Variants in USH2A observed in about 807,000 individuals in gnomAD.
USH2A encodes the protein usherin.
Under a neutral mutation model 538.9 loss-of-function variants are expected in USH2A, and 443 were observed. The ratio of observed to expected loss-of-function variants is 0.82; its 90% confidence interval spans 0.76 to 0.89. USH2A has a LOEUF of 0.89. Ranked by LOEUF, USH2A falls within the 40% of genes least tolerant of loss-of-function variation. The pLI is 0.00. For missense variants in USH2A, 6,633 were observed against 6,324.8 expected (o/e 1.05, Z -1.65); for synonymous variants, 2,413 against 2,273.5 (o/e 1.06, Z -1.75).
chr1:216,057,927 G>T (rs560663783), intron 30 of USH2A, among the ~76,000 whole-genome samples: 5 of 152,270 alleles, frequency 3.3e-5, no homozygotes, highest in African/African-American at 1.2e-4. Flanking sequence ...AATAAAGACA[G>T]CATTTTTCAA....
At chr1:216,031,877 A>G (rs890332923) in intron 32 of USH2A, among the ~76,000 whole-genome samples, 1 of 152,198 alleles carries the variant, frequency 6.6e-6, no homozygotes, top group African/African-American at 2.4e-5. Context: ...CTACGCAACC[A>G]TGGTCCTTAT....
chr1:216,224,225 C>T (rs137967194), intron 14 of USH2A, among the ~76,000 whole-genome samples: 2 of 152,048 alleles, frequency 1.3e-5, no homozygotes, highest in Admixed American at 6.6e-5. Flanking sequence ...GTCCTGGGGG[C>T]TATGGGGGAG....
At chr1:215,734,569 T>C (rs1558074849) in intron 60 of USH2A, among the ~76,000 whole-genome samples, 1 of 152,212 alleles carries the variant, frequency 6.6e-6, no homozygotes. Context: ...TCTGCTTCCC[T>C]TTTACATAAA....
At chr1:215,723,773 T>G (rs1659729096) in intron 61 of USH2A, among the ~76,000 whole-genome samples, 1 of 152,110 alleles carries the variant, frequency 6.6e-6, no homozygotes, top group Non-Finnish European at 1.5e-5. Context: ...GGTGCAGAAA[T>G]TAGATAAACA....
intron 11 of USH2A, among the ~76,000 whole-genome samples, chr1:216,268,608 G>A (rs1435809495): frequency 6.6e-6 from 1 of 152,082 alleles, no homozygotes; most frequent in Non-Finnish European, 1.5e-5. Flanking sequence ...AAAGTGAAAG[G>A]ACCAATTATT....
At chr1:216,410,144 G>C (rs1415532039) in intron 3 of USH2A, among the ~76,000 whole-genome samples, 1 of 151,954 alleles carries the variant, frequency 6.6e-6, no homozygotes, top group African/African-American at 2.4e-5. Flanking sequence ...AAACCACAAT[G>C]AAAGATACCA....
At chr1:215,969,054 CACTT>C (rs1667428450) in intron 36 of USH2A, among the ~76,000 whole-genome samples, 1 of 152,168 alleles carries the variant, frequency 6.6e-6, no homozygotes, top group Non-Finnish European at 1.5e-5. Context: ...GATATGGAAT[CACTT>C]AATGGGCACA....
intron 23 of USH2A, 151 bp downstream of exon 23, chr1:216,088,862 T>TA (rs1558252733): frequency 8.4e-7 from 1 of 1,184,722 alleles, no homozygotes; most frequent in Non-Finnish European, 1.2e-6. Flanking sequence ...TTCATCCTTT[T>TA]AGGAGCATCC....
intron 55 of USH2A, 24 bp from the exon 56 acceptor site, chr1:215,766,812 A>C (rs1177879363): frequency 6.3e-7 from 1 of 1,591,584 alleles, no homozygotes; most frequent in Admixed American, 1.7e-5. Flanking sequence ...GCAAGAAATA[A>C]AGTGCACCTT....
At chr1:216,282,668 C>G (rs967505415) in intron 11 of USH2A, among the ~76,000 whole-genome samples, 3 of 152,034 alleles carry the variant, frequency 2.0e-5, no homozygotes, top group African/African-American at 7.2e-5. Flanking sequence ...TTTTCCAACT[C>G]TTTTTTTATA....
chr1:216,042,004 T>C (rs971836287), intron 32 of USH2A, among the ~76,000 whole-genome samples: 2 of 152,010 alleles, frequency 1.3e-5, no homozygotes, highest in African/African-American at 4.8e-5. Flanking sequence ...GATTTATGTA[T>C]AAGAATATCT....
At chr1:216,262,962 C>T (rs1359795901) in intron 11 of USH2A, among the ~76,000 whole-genome samples, 1 of 152,028 alleles carries the variant, frequency 6.6e-6, no homozygotes. Context: ...ACTGAAACCA[C>T]AAAAATACAG....
At chr1:216,354,339 T>A (rs1370683390) in intron 4 of USH2A, among the ~76,000 whole-genome samples, 1 of 152,106 alleles carries the variant, frequency 6.6e-6, no homozygotes, top group Non-Finnish European at 1.5e-5. Flanking sequence ...TAAAAATATT[T>A]AAGACACATG....
chr1:216,348,441 G>T (rs1157585457), intron 4 of USH2A, among the ~76,000 whole-genome samples: 1 of 151,978 alleles, frequency 6.6e-6, no homozygotes, highest in Non-Finnish European at 1.5e-5. Flanking sequence ...AGACTCAGGG[G>T]CCCGAAGATA....
intron 52 of USH2A, among the ~76,000 whole-genome samples, chr1:215,783,222 TATA>T: frequency 6.6e-6 from 1 of 152,310 alleles, no homozygotes; most frequent in African/African-American, 2.4e-5. Context: ...TGGAATCATG[TATA>T]ATAAGATTTA....
At chr1:215,753,085 G>T (rs1660674156) in intron 58 of USH2A, among the ~76,000 whole-genome samples, 1 of 152,194 alleles carries the variant, frequency 6.6e-6, no homozygotes, top group African/African-American at 2.4e-5. Context: ...GGCCATCAGA[G>T]AAATGCAAGT....
At chr1:215,954,812 T>A (rs955910209) in intron 37 of USH2A, among the ~76,000 whole-genome samples, 1 of 151,864 alleles carries the variant, frequency 6.6e-6, no homozygotes, top group African/African-American at 2.4e-5. Flanking sequence ...GTCTGCTGCA[T>A]GAAGTAGCTC....
chr1:215,950,035 C>G lies in USH2A; in HGVS notation c.7121-15240G>C, dbSNP rs1381491400. 4.6e-5 allele frequency among the ~76,000 whole-genome samples: 7 copies of G among 152,264 alleles called. No homozygotes were observed. The East Asian group carries it at 1.3e-3, about 29-fold the overall frequency. ...TCTATCAAATGCATATAACTACAGA[C>G]AGATGAACACATTTGTATACTATTA... On this transcript the variant is annotated intron_variant, in intron 37 of 71. Transcript: ENST00000307340.
At chr1:215,967,509 A>C (rs1667378844) in intron 36 of USH2A, among the ~76,000 whole-genome samples, 3 of 152,136 alleles carry the variant, frequency 2.0e-5, no homozygotes, top group African/African-American at 7.2e-5. Context: ...TGCGCCAGAA[A>C]TTTGTGTAAG....
Sources: allele counts gnomAD v4.1 joint callset (sites outside exome capture counted in the v4.1 genomes callset), GRCh38; gene constraint gnomAD v4.1.1; transcripts MANE v1.5; gene names NCBI Gene and HGNC (gene_info 2026-07-23, HGNC 2026-07-21).